LUZP2: variants seen among roughly 807,000 people sequenced by gnomAD.
The protein encoded by LUZP2 is leucine zipper protein 2.
A neutral mutation model predicts 51.6 loss-of-function variants in LUZP2; 52 were observed. That is an observed-to-expected ratio of 1.01 (90% CI 0.81 to 1.27). The LOEUF (loss-of-function observed/expected upper bound fraction) is 1.27, where lower values mean the gene tolerates loss of function less well. LUZP2 is among the 50% of genes most tolerant of loss of function. LUZP2 has a pLI of 0.00. For missense variants in LUZP2, 436 were observed against 395.4 expected, an observed-to-expected ratio of 1.10 and a Z score of -0.87; for synonymous variants, 154 against 137.3, an observed-to-expected ratio of 1.12 and a Z score of -0.85.
intron 9 of LUZP2, among the ~76,000 whole-genome samples, chr11:25,009,867 C>A (rs1856935075): frequency 6.6e-6 from 1 of 152,124 alleles, no homozygotes; most frequent in South Asian, 2.1e-4. Flanking sequence ...CTCCTTGTTT[C>A]TTCATCCTCA....
At position 24,993,867 on chromosome 11, in the gene LUZP2, G is replaced by T. The variant is rs1027690853; in HGVS notation, c.765+10574G>T. ...ATATTTTTCCATTTCTTTTTTTTGGGGGGGGTGTGGGGGAATAGAGTCTCG... is the reference window on the plus strand; with the variant it reads ...ATATTTTTCCATTTCTTTTTTTTGGTGGGGGTGTGGGGGAATAGAGTCTCG... On this transcript the variant is annotated intron_variant, in intron 9 of 11. Transcript: ENST00000336930. Among the ~76,000 whole-genome samples, 5 of 151,514 alleles carry T rather than the reference G, an allele frequency of 3.3e-5. 1 individual carries two copies. The highest frequency in any genetic ancestry group is 2.0e-4 in the Admixed American group (3 of 15,166).
At chr11:24,981,241 G>T (rs6484091) in intron 8 of LUZP2, among the ~76,000 whole-genome samples, 16,996 of 151,802 alleles carry the variant, frequency 0.11, 3,048 homozygotes, top group African/African-American at 0.38. Context: ...TTAATGGGCA[G>T]TAGGTAAGGG....
At chr11:24,730,011 C>G (rs1365741311) in intron 2 of LUZP2, among the ~76,000 whole-genome samples, 1 of 151,744 alleles carries the variant, frequency 6.6e-6, no homozygotes, top group East Asian at 1.9e-4. Flanking sequence ...GCTCCAGACA[C>G]TATTAGTTAC....
intron 1 of LUZP2, among the ~76,000 whole-genome samples, chr11:24,638,493 C>T (rs1316633920): frequency 1.3e-5 from 2 of 151,498 alleles, no homozygotes; most frequent in East Asian, 3.9e-4. Context: ...TTGACAAAAT[C>T]ATTCAAGCTG....
chr11:24,988,088 C>T (rs1468970241), intron 9 of LUZP2, among the ~76,000 whole-genome samples: 1 of 151,976 alleles, frequency 6.6e-6, no homozygotes, highest in Non-Finnish European at 1.5e-5. Flanking sequence ...CTCTACTTCT[C>T]TGCTTCTAGA....
chr11:24,526,128 T>A (rs1850792629), intron 1 of LUZP2, among the ~76,000 whole-genome samples: 1 of 144,896 alleles, frequency 6.9e-6, no homozygotes, highest in Admixed American at 6.8e-5. Flanking sequence ...TAAATATCCA[T>A]CTGTTACTAA....
chr11:24,502,812 T>G (rs1488969384), intron 1 of LUZP2, among the ~76,000 whole-genome samples: 5 of 152,188 alleles, frequency 3.3e-5, no homozygotes, highest in Non-Finnish European at 7.3e-5. Context: ...TATACCTAAT[T>G]AAAATGTAAT....
chr11:24,964,795 AT>A lies in LUZP2; in HGVS notation c.523-11787del, dbSNP rs201422690. Among the ~76,000 whole-genome samples, 62 of 151,040 alleles carry A rather than the reference AT, an allele frequency of 4.1e-4. No homozygotes were observed. The East Asian group carries it at 4.3e-3, about 10-fold the overall frequency. ...ATGCTTCTAGATTATATCTCAAAGC[AT>A]TTTTTTTTACTGTATTTATTTACCT... On this transcript the variant is annotated intron_variant, in intron 7 of 11. Coordinates refer to ENST00000336930, the MANE Select transcript of LUZP2 (RefSeq NM_001009909.4).
At chr11:25,054,071 C>CCAT (rs1328435764) in intron 10 of LUZP2, among the ~76,000 whole-genome samples, 2 of 152,106 alleles carry the variant, frequency 1.3e-5, no homozygotes, top group East Asian at 3.9e-4. Context: ...ATAAATATTC[C>CCAT]CATCAACTAC....
chr11:24,579,645 C>A (rs1214593676), intron 1 of LUZP2, among the ~76,000 whole-genome samples: 2 of 152,006 alleles, frequency 1.3e-5, no homozygotes, highest in East Asian at 3.8e-4. Flanking sequence ...AATTGTAGTT[C>A]TTAATCCATG....
At chr11:24,716,780 C>T (rs1486027270) in intron 1 of LUZP2, among the ~76,000 whole-genome samples, 4 of 152,084 alleles carry the variant, frequency 2.6e-5, no homozygotes, top group African/African-American at 9.7e-5. Context: ...ACTGTAATCC[C>T]AGGTACTTGG....
At chr11:24,515,636 G>A (rs1255122301) in intron 1 of LUZP2, among the ~76,000 whole-genome samples, 1 of 152,046 alleles carries the variant, frequency 6.6e-6, no homozygotes, top group Non-Finnish European at 1.5e-5. Context: ...AAACGTAGAC[G>A]GAACTTTTTA....
At chr11:24,738,378 G>T in intron 4 of LUZP2, 76 bp downstream of exon 4, 2 of 936,302 alleles carry the variant, frequency 2.1e-6, no homozygotes, top group Admixed American at 4.0e-5. Flanking sequence ...AATCACTATG[G>T]AACAAACACA....
intron 1 of LUZP2, among the ~76,000 whole-genome samples, chr11:24,595,203 TCA>T (rs1391403589): frequency 6.9e-6 from 1 of 145,448 alleles, no homozygotes; most frequent in Non-Finnish European, 1.5e-5. Flanking sequence ...AAAGTGTAGG[TCA>T]CAGTTTGCAA....
chr11:25,011,044 C>T (rs1220951000), intron 9 of LUZP2, among the ~76,000 whole-genome samples: 1 of 152,064 alleles, frequency 6.6e-6, no homozygotes, highest in East Asian at 1.9e-4. Context: ...TTCTGGGAAT[C>T]CAATATTGAT....
chr11:24,792,426 A>C (rs1458162499), intron 5 of LUZP2, among the ~76,000 whole-genome samples: 1 of 122,324 alleles, frequency 8.2e-6, no homozygotes. Flanking sequence ...ACTCTGTCTC[A>C]AAAAAAAAAA....
chr11:24,856,454 A>G (rs1851569495), intron 5 of LUZP2, among the ~76,000 whole-genome samples: 1 of 152,110 alleles, frequency 6.6e-6, no homozygotes. Flanking sequence ...GATGTAGAGA[A>G]AAGATAATGC....
At chr11:24,592,667 G>A (rs1179545549) in intron 1 of LUZP2, among the ~76,000 whole-genome samples, 1 of 138,276 alleles carries the variant, frequency 7.2e-6, no homozygotes, top group African/African-American at 2.7e-5. Context: ...TCCTACTGAT[G>A]TAATGGATGT....
At chr11:24,528,795 T>C (rs1322012352) in intron 1 of LUZP2, among the ~76,000 whole-genome samples, 1 of 151,236 alleles carries the variant, frequency 6.6e-6, no homozygotes, top group African/African-American at 2.4e-5. Flanking sequence ...CTTACAAGGC[T>C]TTTCTGGTTA....
Sources: gnomAD v4.1 joint callset for allele counts (sites outside exome capture counted in the v4.1 genomes callset) on GRCh38, gnomAD v4.1.1 for gene constraint, MANE v1.5 for transcripts, NCBI Gene and HGNC (gene_info 2026-07-23, HGNC 2026-07-21) for gene names.